The following FILIP1 variants were observed in gnomAD, a reference collection of about 807,000 sequenced individuals.
FILIP1 encodes the protein filamin A interacting protein 1.
Under a neutral mutation model 102.1 loss-of-function variants are expected in FILIP1, and 61 were observed. The ratio of observed to expected loss-of-function variants is 0.60; its 90% CI spans 0.49 to 0.74. The LOEUF is 0.74. FILIP1 is among the 30% of genes least tolerant of loss of function. The pLI is 0.00. For synonymous variants in FILIP1, 491 were observed against 526.9 expected (o/e 0.93, Z 0.93); for missense variants, 1,314 against 1,441.2 (o/e 0.91, Z 1.43).
chr6:75,444,774 T>G (rs1353342414), intron 1 of FILIP1, among the ~76,000 whole-genome samples: 1 of 152,186 alleles, frequency 6.6e-6, no homozygotes, highest in Non-Finnish European at 1.5e-5. Context: ...TAAACTAACT[T>G]ACACATACTG....
chr6:75,492,871 T>C (rs1780004629), intron 1 of FILIP1, among the ~76,000 whole-genome samples: 1 of 152,194 alleles, frequency 6.6e-6, no homozygotes, highest in African/African-American at 2.4e-5. Context: ...GGGGTGACTC[T>C]AGTGTAACGA....
At chr6:75,420,118 C>T (rs1777404612) in intron 1 of FILIP1, among the ~76,000 whole-genome samples, 1 of 152,002 alleles carries the variant, frequency 6.6e-6, no homozygotes, top group African/African-American at 2.4e-5. Context: ...GAAAGGGATT[C>T]TCTTGGAGTC....
At chr6:75,428,876 T>A (rs1777722706) in intron 1 of FILIP1, among the ~76,000 whole-genome samples, 1 of 150,458 alleles carries the variant, frequency 6.6e-6, no homozygotes, top group African/African-American at 2.5e-5. Context: ...CATTTAGATT[T>A]TGTTGAAAAA....
At chr6:75,367,894 C>T (rs1293859653) in intron 2 of FILIP1, among the ~76,000 whole-genome samples, 3 of 152,096 alleles carry the variant, frequency 2.0e-5, no homozygotes, top group Admixed American at 6.5e-5. Flanking sequence ...TGTTCTTGAG[C>T]ATTAATATTT....
intron 1 of FILIP1, among the ~76,000 whole-genome samples, chr6:75,445,666 G>A (rs1361037478): frequency 6.7e-6 from 1 of 149,584 alleles, no homozygotes; most frequent in African/African-American, 2.5e-5. Context: ...GCACATCATA[G>A]CCAACACAAT....
At chr6:75,393,376 T>A (rs1425102276) in intron 2 of FILIP1, among the ~76,000 whole-genome samples, 2 of 152,148 alleles carry the variant, frequency 1.3e-5, no homozygotes, top group Non-Finnish European at 2.9e-5. Context: ...AAAACAAATA[T>A]CATTTTCCTA....
chr6:75,332,179 G>A (rs141803490), intron 4 of FILIP1, among the ~76,000 whole-genome samples: 33 of 152,238 alleles, frequency 2.2e-4, no homozygotes, highest in African/African-American at 7.5e-4. Flanking sequence ...AGTCTCATGG[G>A]CTCTTCTTTC....
intron 4 of FILIP1, among the ~76,000 whole-genome samples, chr6:75,318,228 C>CTTTT (rs35536817): frequency 2.5e-4 from 26 of 102,876 alleles, no homozygotes; most frequent in Middle Eastern, 6.7e-3. Flanking sequence ...ATTATACAGT[C>CTTTT]TTTTTTTTTT....
At chr6:75,438,345 C>G (rs1778092734) in intron 1 of FILIP1, among the ~76,000 whole-genome samples, 1 of 152,188 alleles carries the variant, frequency 6.6e-6, no homozygotes, top group Admixed American at 6.5e-5. Flanking sequence ...TACAGTCAGC[C>G]TGGGGATTTT....
chr6:75,426,575 A>G (rs1317807136), intron 1 of FILIP1, among the ~76,000 whole-genome samples: 2 of 152,128 alleles, frequency 1.3e-5, no homozygotes, highest in African/African-American at 4.8e-5. Context: ...TGCTAACAGG[A>G]GAGTCACCAA....
chr6:75,332,604 C>A (rs187201158), intron 4 of FILIP1, among the ~76,000 whole-genome samples: 19 of 152,278 alleles, frequency 1.2e-4, no homozygotes, highest in Admixed American at 2.6e-4. Context: ...CATATTGCCA[C>A]AGGAAATTCT....
intron 1 of FILIP1, among the ~76,000 whole-genome samples, chr6:75,491,964 G>A (rs1779971668): frequency 6.6e-6 from 1 of 152,122 alleles, no homozygotes; most frequent in South Asian, 2.1e-4. Context: ...TCAACAATGT[G>A]ACCCTTCTTA....
chr6:75,313,351 G>C lies in FILIP1; in HGVS notation c.2481C>G (p.Ser827=). 2 of 1,614,182 alleles carry C rather than the reference G, an allele frequency of 1.2e-6. No individual in the cohort carries two copies. Among genetic ancestry groups the C allele is most frequent in the Non-Finnish European group, 1.7e-6 (2 of 1,180,020 alleles). ...EETPAVFIRK[S]FQEENHIMSN... is the part of the protein sequence containing the mutation. ...TCATAATATGATTTTCTTCCTGGAAGGATTTCCGTATGAATACAGCTGGCG... is the reference window on the plus strand; with the variant it reads ...TCATAATATGATTTTCTTCCTGGAACGATTTCCGTATGAATACAGCTGGCG... The change falls in exon 5 of 6, where the codon TCC becomes TCG. Residue 827 remains serine (S), a synonymous_variant. Transcript: ENST00000237172. This position sits in a 1 kb window ranked among gnomAD's most constrained non-coding sequence, Gnocchi z 4.2.
At chr6:75,316,027 A>G (rs1352695088) in intron 4 of FILIP1, among the ~76,000 whole-genome samples, 6 of 152,202 alleles carry the variant, frequency 3.9e-5, no homozygotes, top group Admixed American at 1.3e-4. Context: ...TACTTTTTTA[A>G]TCAAGAACTA....
intron 1 of FILIP1, among the ~76,000 whole-genome samples, chr6:75,480,248 CT>C (rs1182071985): frequency 1.7e-5 from 1 of 58,546 alleles, no homozygotes; most frequent in Non-Finnish European, 4.8e-5. Flanking sequence ...GATTTGAAAT[CT>C]TTTTTATAAT....
At chr6:75,299,713 C>T (rs1013442194) in intron 6 of FILIP1, among the ~76,000 whole-genome samples, 1 of 152,070 alleles carries the variant, frequency 6.6e-6, no homozygotes, top group Non-Finnish European at 1.5e-5. Flanking sequence ...GTTATTATGA[C>T]ATTATTGTGA....
At chr6:75,456,178 T>G (rs1322703599) in intron 1 of FILIP1, among the ~76,000 whole-genome samples, 4 of 152,188 alleles carry the variant, frequency 2.6e-5, no homozygotes, top group Non-Finnish European at 5.9e-5. Context: ...TGGAAACACT[T>G]TTGGTTGTCA....
chr6:75,412,207 ACT>A (rs1182237539), intron 2 of FILIP1, among the ~76,000 whole-genome samples: 2 of 151,128 alleles, frequency 1.3e-5, no homozygotes, highest in African/African-American at 4.9e-5. Flanking sequence ...TTGTGATTTG[ACT>A]CTCTGTTTGT....
chr6:75,423,379 A>G (rs1777531654), intron 1 of FILIP1, among the ~76,000 whole-genome samples: 1 of 152,118 alleles, frequency 6.6e-6, no homozygotes, highest in Non-Finnish European at 1.5e-5. Context: ...GTGATGCGCA[A>G]CAAAAAGTGG....
Sources: allele counts gnomAD v4.1 joint callset (sites outside exome capture counted in the v4.1 genomes callset), GRCh38; gene constraint gnomAD v4.1.1; non-coding constraint Gnocchi (gnomAD v3.1); transcripts MANE v1.5; gene names NCBI Gene and HGNC (gene_info 2026-07-23, HGNC 2026-07-21).